Variants in ABCG5 observed in about 807,000 individuals in gnomAD.
The protein encoded by ABCG5 is ATP-binding cassette sub-family G member 5.
In ABCG5, 64 loss-of-function variants were observed where a neutral mutation model predicts 64.5. The observed-to-expected ratio is 0.99, with a 90% CI of 0.81 to 1.22. The LOEUF (loss-of-function observed/expected upper bound fraction) is 1.22. Ranked by LOEUF, ABCG5 falls within the 50% of genes most tolerant of loss-of-function variation. The pLI is 0.00. For synonymous variants in ABCG5, 385 were observed against 326.3 expected (o/e 1.18, Z -1.94); for missense variants, 908 against 829.5 (o/e 1.09, Z -1.16).
intron 11 of ABCG5, among the ~76,000 whole-genome samples, chr2:43,818,528 A>T (rs1239111272): frequency 6.6e-6 from 1 of 152,228 alleles, no homozygotes. Flanking sequence ...GATCATCTGT[A>T]CATGAAATGG....
At chr2:43,817,011 G>T (rs1003255868) in intron 11 of ABCG5, among the ~76,000 whole-genome samples, 1 of 152,192 alleles carries the variant, frequency 6.6e-6, no homozygotes, top group African/African-American at 2.4e-5. Flanking sequence ...AGTTCACCCA[G>T]AAAGATGATG....
In ABCG5 at chr2:43,838,483, A is replaced by T; in HGVS notation, c.143+54T>A. On this transcript the variant is annotated intron_variant, in intron 1 of 12. Coordinates refer to ENST00000405322, the MANE Select transcript of ABCG5 (RefSeq NM_022436.3). The surrounding 1 kb of genome is among the most constrained non-coding windows in gnomAD (Gnocchi z 4.2). The stretch of plus-strand genomic sequence containing the variant: ...AGTGAAGAAAGGCAGCAGAGGGGTG[A>T]GCGCCGGGCCCCGCACTCCTGGGGG... 6.6e-7 allele frequency: 1 copy of T among 1,525,320 alleles called. No homozygotes were observed. The highest frequency in any genetic ancestry group is 8.9e-7 in the Non-Finnish European group (1 of 1,122,828). 94.5% of individuals were successfully genotyped at this position (1,525,320 alleles called of 1,614,324 possible). A position where few individuals can be genotyped will look rare whatever the true frequency, so the allele number is the denominator to read the frequency against.
At chr2:43,810,237 T>G (rs959654275), downstream of ABCG5, 14 of 554,054 alleles carry the variant, frequency 2.5e-5, no homozygotes, top group Non-Finnish European at 4.6e-6. Flanking sequence ...AAGAAGCACC[T>G]GAAATAGGAG....
At chr2:43,814,418 C>T in intron 12 of ABCG5, 59 bp downstream of exon 12, 1 of 1,095,510 alleles carries the variant, frequency 9.1e-7, no homozygotes, top group Non-Finnish European at 1.4e-6. Context: ...ACATTTCCTC[C>T]AAGAAATTGC....
At chr2:43,822,443 G>T in intron 10 of ABCG5, 2 of 885,610 alleles carry the variant, frequency 2.3e-6, no homozygotes, top group Non-Finnish European at 2.7e-6. Context: ...CTGTTTTAAG[G>T]TTTTACATTC....
At chr2:43,829,787 A>G (rs751359178) in intron 4 of ABCG5, among the ~76,000 whole-genome samples, 23 of 152,242 alleles carry the variant, frequency 1.5e-4, no homozygotes, top group Non-Finnish European at 2.8e-4. Flanking sequence ...GCATTAAAAA[A>G]CAATAAGCTA....
intron 6 of ABCG5, among the ~76,000 whole-genome samples, chr2:43,825,278 G>A (rs1333454505): frequency 2.6e-5 from 4 of 152,142 alleles, no homozygotes; most frequent in African/African-American, 4.8e-5. Context: ...CCATCCTGAC[G>A]CCCAGCTTCA....
intron 11 of ABCG5, among the ~76,000 whole-genome samples, chr2:43,817,851 A>G (rs1666942436): frequency 6.6e-6 from 1 of 152,002 alleles, no homozygotes; most frequent in Admixed American, 6.6e-5. Context: ...CGGAGGTTAC[A>G]GTGAGCCGAG....
At chr2:43,809,778 A>G (rs372677433), downstream of ABCG5, 90 of 1,601,522 alleles carry the variant, frequency 5.6e-5, no homozygotes, top group Non-Finnish European at 7.3e-5. Context: ...ACCTATTTCA[A>G]TTATTGTATA....
downstream of ABCG5, chr2:43,810,282 G>A (rs1048038613): frequency 3.0e-5 from 25 of 832,330 alleles, no homozygotes; most frequent in African/African-American, 3.0e-4. Flanking sequence ...CTAGAGTGTC[G>A]CCATCAGTGG....
At chr2:43,835,734 C>T (rs953228435) in intron 2 of ABCG5, among the ~76,000 whole-genome samples, 1 of 152,152 alleles carries the variant, frequency 6.6e-6, no homozygotes, top group African/African-American at 2.4e-5. Context: ...AGACCCCTCC[C>T]CACTTCTGCC....
intron 10 of ABCG5, among the ~76,000 whole-genome samples, chr2:43,820,816 G>A (rs1250751498): frequency 2.6e-5 from 4 of 152,056 alleles, no homozygotes; most frequent in Non-Finnish European, 4.4e-5. Flanking sequence ...ACCACACCCA[G>A]CTAATTTTTT....
In ABCG5 at chr2:43,813,296, A is replaced by C; in HGVS notation, c.1776T>G (p.Val592=). The C allele has an allele frequency of 6.2e-7, 1 of 1,613,110 alleles. No individual in the cohort carries two copies. Among genetic ancestry groups the C allele is most frequent in the Non-Finnish European group, 8.5e-7 (1 of 1,179,332 alleles). The change falls in exon 13 of 13, where the codon GTT becomes GTG. Residue 592 remains valine (V), a synonymous_variant. Transcript: ENST00000405322. ...GLNFTCGSSN[V]SVTTNPMCAF... ...CACACATTGGATTAGTTGTCACAGA[A>C]ACATTTGAGCTGCCTGTCAAGGAAA...
chr2:43,811,859 G>A (rs1382224946), downstream of ABCG5, among the ~76,000 whole-genome samples: 1 of 152,158 alleles, frequency 6.6e-6, no homozygotes, highest in African/African-American at 2.4e-5. Context: ...CTCCCAAAGT[G>A]CTGGGATTAC....
intron 2 of ABCG5, among the ~76,000 whole-genome samples, chr2:43,835,644 C>T (rs1478019621): frequency 6.6e-6 from 1 of 152,070 alleles, no homozygotes; most frequent in Non-Finnish European, 1.5e-5. Context: ...TATGATATTA[C>T]GAGGTGGGGC....
intron 2 of ABCG5, among the ~76,000 whole-genome samples, chr2:43,832,964 T>A (rs6544712): frequency 6.6e-6 from 1 of 151,786 alleles, no homozygotes; most frequent in Non-Finnish European, 1.5e-5. Flanking sequence ...CATGCACCAC[T>A]ACACCCGGCT....
At chr2:43,822,449 C>T (rs529588564) in intron 10 of ABCG5, 2 of 911,294 alleles carry the variant, frequency 2.2e-6, no homozygotes, top group East Asian at 1.2e-4. Context: ...TAAGGTTTTA[C>T]ATTCAGGCTG....
rs939560194 is a variant in ABCG5, at chr2:43,831,695, A to G, written c.501+74T>C. 4.3e-6 allele frequency: 6 copies of G among 1,394,662 alleles called. No homozygotes were observed. In the African/African-American group the frequency reaches 8.5e-5, roughly 20 times the overall value. 86.4% of individuals were successfully genotyped at this position (1,394,662 alleles called of 1,614,324 possible). ...GCAAAGGGAAGGAATGGGCAAGCGT[A>G]GGCGAAGAGAGGAGGGCAGCGGGGG... is the stretch of plus-strand genomic sequence containing the variant. On this transcript the variant is annotated intron_variant, in intron 4 of 12. Coordinates refer to ENST00000405322, the MANE Select transcript of ABCG5 (RefSeq NM_022436.3).
intron 9 of ABCG5, among the ~76,000 whole-genome samples, chr2:43,823,507 C>T (rs921626438): frequency 1.3e-5 from 2 of 152,186 alleles, no homozygotes; most frequent in Admixed American, 1.3e-4. Flanking sequence ...TGGAATTCCA[C>T]TGAATTTGAA....
Sources: gnomAD v4.1 joint callset for allele counts (sites outside exome capture counted in the v4.1 genomes callset) on GRCh38, gnomAD v4.1.1 for gene constraint, Gnocchi (gnomAD v3.1) non-coding constraint, MANE v1.5 for transcripts, NCBI Gene and HGNC (gene_info 2026-07-23, HGNC 2026-07-21) for gene names.